VWDE: variants seen among roughly 807,000 people sequenced by gnomAD.
The protein encoded by VWDE is von Willebrand factor D and EGF domains.
A neutral mutation model predicts 178.4 loss-of-function variants in VWDE; 207 were observed. That is an observed-to-expected ratio of 1.16 (90% confidence interval 1.04 to 1.30). The LOEUF is 1.30. Among genes scored for constraint, VWDE ranks in the 50% most tolerant of loss-of-function variants. The pLI is 0.00. For missense variants in VWDE, 2,287 were observed against 1,901.3 expected (o/e 1.20, Z -3.77); for synonymous variants, 738 against 651.4 (o/e 1.13, Z -2.02).
At chr7:12,340,292 C>T (rs990157112) in intron 24 of VWDE, 30 bp downstream of exon 24, 1 of 1,498,322 alleles carries the variant, frequency 6.7e-7, no homozygotes, top group Non-Finnish European at 9.1e-7. Flanking sequence ...TTCCATTTGC[C>T]CTTTTTACAT....
At chr7:12,369,453 A>T in intron 12 of VWDE, 92 bp downstream of exon 12, 1 of 1,388,082 alleles carries the variant, frequency 7.2e-7, no homozygotes, top group South Asian at 1.6e-5. Context: ...CTGAATAAAC[A>T]CTGTTAGGAT....
chr7:12,381,842 T>C (rs1359680485), intron 4 of VWDE, among the ~76,000 whole-genome samples: 1 of 151,894 alleles, frequency 6.6e-6, no homozygotes, highest in East Asian at 1.9e-4. Flanking sequence ...GAAATGATTA[T>C]TAAGAATAAG....
intron 2 of VWDE, among the ~76,000 whole-genome samples, chr7:12,390,430 C>A (rs1464521464): frequency 6.6e-6 from 1 of 151,858 alleles, no homozygotes; most frequent in Non-Finnish European, 1.5e-5. Flanking sequence ...GTATATAATG[C>A]AACTTCTACA....
chr7:12,356,722 G>A (rs1435180806), intron 17 of VWDE, among the ~76,000 whole-genome samples: 1 of 152,182 alleles, frequency 6.6e-6, no homozygotes. Context: ...ATAGAACGCA[G>A]CTGCTCTTAC....
chr7:12,345,881 C>T (rs1781572180), intron 19 of VWDE, among the ~76,000 whole-genome samples: 2 of 152,036 alleles, frequency 1.3e-5, no homozygotes. Flanking sequence ...TGCTCAGTAA[C>T]TTTTTGATAG....
At chr7:12,380,366 G>C (rs974106509) in intron 5 of VWDE, 120 bp downstream of exon 5, 1 of 1,335,580 alleles carries the variant, frequency 7.5e-7, no homozygotes, top group African/African-American at 1.5e-5. Context: ...AAAACAAAAA[G>C]AAAAATATTA....
intron 13 of VWDE, 41 bp downstream of exon 13, chr7:12,367,316 C>A: frequency 6.8e-7 from 1 of 1,464,318 alleles, no homozygotes; most frequent in Non-Finnish European, 9.1e-7. Flanking sequence ...ATCTGAGTAT[C>A]TCATACACTC....
rs79186971 is a variant in VWDE at position 12,337,166 on chromosome 7, T to C, written c.4462+11A>G. ...AGCTGTAGTTGACAAATACATTTAG[T>C]GATGTCTTACTTTTTTGGAATCTCC... On this transcript the variant is annotated intron_variant, in intron 25 of 28. Transcript: ENST00000275358. 6.7e-3 allele frequency: 10,394 copies of C among 1,551,450 alleles called. 348 individuals are homozygous for C. The African/African-American group carries it at 0.084, about 13-fold the overall frequency.
At chr7:12,399,330 C>T (rs1459296102) in intron 1 of VWDE, among the ~76,000 whole-genome samples, 1 of 151,966 alleles carries the variant, frequency 6.6e-6, no homozygotes, top group Non-Finnish European at 1.5e-5. Context: ...TTACCAGAGA[C>T]AAGAGGGACA....
At position 12,344,423 on chromosome 7, in the gene VWDE, TG is replaced by T; in HGVS notation, c.3932del (p.Pro1311GlnfsTer75). ...AACCAGGTTTACATTTGCAGATGTT[TG>T]GGGCAACACACTCCCTACTTTTTCC... ...PCGKSRECVA[P>X]NICKCKPGYI... is the part of the protein sequence containing the mutation. On this transcript the variant is annotated frameshift_variant, in exon 20 of 29. Coordinates refer to ENST00000275358, the MANE Select transcript of VWDE (RefSeq NM_001135924.3). LOFTEE classifies it high-confidence loss of function. The T allele has an allele frequency of 6.4e-7, 1 of 1,551,002 alleles. No individual in the cohort carries two copies. Among genetic ancestry groups the T allele is most frequent in the Middle Eastern group, 1.7e-4 (1 of 5,982 alleles).
At chr7:12,356,745 G>A (rs924279200) in intron 17 of VWDE, among the ~76,000 whole-genome samples, 1 of 152,190 alleles carries the variant, frequency 6.6e-6, no homozygotes, top group African/African-American at 2.4e-5. Context: ...TATTACTTCA[G>A]TGTAAAAGCG....
In VWDE at chr7:12,351,649, A is replaced by C. The variant is rs561187344; in HGVS notation, c.3810T>G (p.Ser1270Arg). The change falls in exon 19 of 29, where the codon AGT becomes AGG. Residue 1270 changes from serine to arginine, a missense_variant. Ser to Arg is a moderately radical substitution (Grantham distance 110). Transcript: ENST00000275358. ...QTVVLTRSDK[S>R]VNKEEDDKNA... ...TTTTATCATCCTCTTCTTTATTTAC[A>C]CTTTTATCAGATCTTGTGAGAACCA... is the stretch of plus-strand genomic sequence containing the variant. The C allele has an allele frequency of 1.3e-6, 2 of 1,550,340 alleles. No individual in the cohort carries two copies. Among genetic ancestry groups the C allele is most frequent in the Non-Finnish European group, 1.7e-6 (2 of 1,146,380 alleles).
At chr7:12,332,661 C>A (rs774552669) in intron 28 of VWDE, among the ~76,000 whole-genome samples, 3 of 152,106 alleles carry the variant, frequency 2.0e-5, no homozygotes, top group Non-Finnish European at 2.9e-5. Flanking sequence ...ATAACTTTTG[C>A]TTTCCAGTTT....
intron 13 of VWDE, among the ~76,000 whole-genome samples, chr7:12,366,890 T>C (rs7784095): frequency 0.14 from 21,988 of 152,040 alleles, 1,892 homozygotes; most frequent in African/African-American, 0.23. Context: ...CTGTGGCCTT[T>C]AGAAAGATAA....
At chr7:12,375,323 T>C in intron 7 of VWDE, 96 bp from the exon 8 acceptor site, 1 of 992,226 alleles carries the variant, frequency 1.0e-6, no homozygotes, top group East Asian at 2.6e-5. Context: ...AATTGTAAGA[T>C]TATTCTCAAA....
rs1247071291 is a variant in VWDE at position 12,342,104 on chromosome 7, T to C, written c.4225A>G (p.Ile1409Val). Residue 1409 changes from isoleucine (I) to valine (V), a missense_variant, in exon 23 of 29, where the codon ATT becomes GTT. Coordinates refer to ENST00000275358, the MANE Select transcript of VWDE (RefSeq NM_001135924.3). ...TACCAGCCAGGTTTGCACTGGCAAA[T>C]ATCTGGTGTAAGACACTGGCCTCCA... ...ENGGQCLTPD[I>V]CQCKPGWYGP... 6.4e-7 allele frequency: 1 copy of C among 1,551,456 alleles called. No individual in the cohort carries two copies. Among genetic ancestry groups the C allele is most frequent in the Admixed American group, 2.0e-5 (1 of 50,978 alleles).
At chr7:12,345,061 G>C (rs1049231459) in intron 19 of VWDE, among the ~76,000 whole-genome samples, 24 of 152,044 alleles carry the variant, frequency 1.6e-4, no homozygotes, top group African/African-American at 5.8e-4. Context: ...CCAATTTGTG[G>C]GGTTCATGTG....
chr7:12,375,013 G>A lies in VWDE; in HGVS notation c.1239C>T (p.Ile413=), dbSNP rs751949531. 20 of 1,550,674 alleles carry A rather than the reference G, an allele frequency of 1.3e-5. No homozygotes were observed. In the South Asian group the frequency reaches 2.1e-4, roughly 17 times the overall value. ...ATTAGTGTTGTAATTTGTCAACCTG[G>A]ATGCTGTCTGGAATGTAGTTGTTCC... ...FLWNNYIPDS[I]QIKVKDVPTA... is the part of the protein sequence containing the mutation. Residue 413 remains isoleucine, a synonymous_variant, in exon 8 of 29, where the codon ATC becomes ATT. Coordinates refer to ENST00000275358, the MANE Select transcript of VWDE (RefSeq NM_001135924.3).
intron 16 of VWDE, among the ~76,000 whole-genome samples, chr7:12,359,255 TTTAACAA>T (rs1782440447): frequency 6.6e-6 from 1 of 152,178 alleles, no homozygotes; most frequent in Non-Finnish European, 1.5e-5. Context: ...AGATACCTTG[TTTAACAA>T]GTGCTGAATC....
Sources: gnomAD v4.1 joint callset for allele counts (sites outside exome capture counted in the v4.1 genomes callset) on GRCh38, gnomAD v4.1.1 for gene constraint, MANE v1.5 for transcripts, NCBI Gene and HGNC (gene_info 2026-07-23, HGNC 2026-07-21) for gene names.